The following MGAT4C variants were observed in gnomAD, a reference collection of about 807,000 sequenced individuals.
MGAT4C encodes the protein MGAT4 family member C.
Under a neutral mutation model 40.1 loss-of-function variants are expected in MGAT4C, and 19 were observed. That is an observed-to-expected ratio of 0.47 (90% CI 0.33 to 0.70). The LOEUF (loss-of-function observed/expected upper bound fraction) is 0.70, where lower values mean the gene tolerates loss of function less well. MGAT4C is among the 30% of genes least tolerant of loss of function. The pLI is 0.02. For missense variants in MGAT4C, 491 were observed against 563.2 expected, an observed-to-expected ratio of 0.87 and a Z score of 1.30; for synonymous variants, 181 against 187.1, an observed-to-expected ratio of 0.97 and a Z score of 0.27.
intron 1 of MGAT4C, among the ~76,000 whole-genome samples, chr12:86,070,348 T>C (rs1017054297): frequency 6.6e-6 from 1 of 152,054 alleles, no homozygotes; most frequent in East Asian, 1.9e-4. Flanking sequence ...GATTGCCAAG[T>C]TTATAAAAAC....
intron 3 of MGAT4C, among the ~76,000 whole-genome samples, chr12:86,352,693 A>T (rs1398461864): frequency 6.6e-6 from 1 of 152,122 alleles, no homozygotes; most frequent in Non-Finnish European, 1.5e-5. Context: ...AATACATCAG[A>T]TCAAAAAGTG....
At chr12:86,188,536 G>T (rs879020494) in intron 1 of MGAT4C, among the ~76,000 whole-genome samples, 1 of 151,806 alleles carries the variant, frequency 6.6e-6, no homozygotes, top group Non-Finnish European at 1.5e-5. Context: ...TTAGAATACA[G>T]AAACATATGC....
intron 3 of MGAT4C, among the ~76,000 whole-genome samples, chr12:86,369,017 A>C (rs528501430): frequency 1.8e-4 from 27 of 151,720 alleles, no homozygotes; most frequent in African/African-American, 6.3e-4. Flanking sequence ...TTCAGACGTC[A>C]ATATTTGCTT....
At chr12:86,293,984 CTTT>C (rs1953596412) in intron 4 of MGAT4C, among the ~76,000 whole-genome samples, 2 of 152,112 alleles carry the variant, frequency 1.3e-5, no homozygotes. Flanking sequence ...CACTTTTCTT[CTTT>C]GATTCTTTTG....
At chr12:85,994,978 T>C (rs1319813457) in intron 2 of MGAT4C, among the ~76,000 whole-genome samples, 1 of 152,190 alleles carries the variant, frequency 6.6e-6, no homozygotes, top group African/African-American at 2.4e-5. Flanking sequence ...AGAAACCTCA[T>C]TTGCTACTAC....
intron 1 of MGAT4C, among the ~76,000 whole-genome samples, chr12:86,810,816 T>C (rs1290791409): frequency 6.6e-6 from 1 of 152,072 alleles, no homozygotes; most frequent in Non-Finnish European, 1.5e-5. Flanking sequence ...TTTTGTACTA[T>C]CTTTGTCAAT....
chr12:86,293,767 T>C (rs1953587201), intron 4 of MGAT4C, among the ~76,000 whole-genome samples: 2 of 152,118 alleles, frequency 1.3e-5, no homozygotes, highest in Non-Finnish European at 1.5e-5. Flanking sequence ...AGTGAGTGAG[T>C]TCTCACAAGA....
chr12:85,991,353 C>T (rs916772031), intron 2 of MGAT4C, among the ~76,000 whole-genome samples: 23 of 152,216 alleles, frequency 1.5e-4, no homozygotes, highest in African/African-American at 2.9e-4. Context: ...CAGCCATGGG[C>T]GGGCCCAGAA....
intron 1 of MGAT4C, among the ~76,000 whole-genome samples, chr12:86,740,521 T>C (rs539239340): frequency 6.6e-6 from 1 of 151,298 alleles, no homozygotes; most frequent in East Asian, 1.9e-4. Context: ...AAAAATATAT[T>C]TTTGAAATTT....
At position 85,981,848 on chromosome 12, in the gene MGAT4C, T is replaced by C. The variant is rs533259209; in HGVS notation, c.296-1418A>G. On this transcript the variant is annotated intron_variant, in intron 4 of 4. Coordinates refer to ENST00000611864, the MANE Select transcript of MGAT4C (RefSeq NM_001351288.2). The stretch of plus-strand genomic sequence containing the variant: ...TACATTGCCTCTGGTAGAAAGCAGT[T>C]GGCATGTGTGCCAATAAACATTAGT... 2.3e-3 allele frequency among the ~76,000 whole-genome samples: 357 copies of C among 152,228 alleles called. 1 individual carries two copies. The highest frequency in any genetic ancestry group is 6.8e-3 in the Middle Eastern group (2 of 294).
chr12:86,317,093 AG>A (rs1954257724), intron 4 of MGAT4C, among the ~76,000 whole-genome samples: 1 of 152,118 alleles, frequency 6.6e-6, no homozygotes, highest in Non-Finnish European at 1.5e-5. Context: ...AAAATATAAT[AG>A]TAATTGGCTC....
chr12:86,809,899 A>C (rs1484790014), intron 1 of MGAT4C, among the ~76,000 whole-genome samples: 1 of 152,044 alleles, frequency 6.6e-6, no homozygotes, highest in African/African-American at 2.4e-5. Flanking sequence ...ATGTCTATGA[A>C]AATTCTTTCT....
chr12:86,735,908 T>C (rs553847055), intron 1 of MGAT4C, among the ~76,000 whole-genome samples: 2 of 152,028 alleles, frequency 1.3e-5, no homozygotes, highest in East Asian at 3.9e-4. Context: ...TGATAACCTT[T>C]CTTCTGCATA....
chr12:86,025,953 C>G (rs904855289), intron 2 of MGAT4C, among the ~76,000 whole-genome samples: 1 of 151,592 alleles, frequency 6.6e-6, no homozygotes, highest in Non-Finnish European at 1.5e-5. Flanking sequence ...TGTTTTTAAA[C>G]TGCTAAATGG....
intron 2 of MGAT4C, among the ~76,000 whole-genome samples, chr12:86,570,928 C>T (rs1960337745): frequency 6.6e-6 from 1 of 152,196 alleles, no homozygotes; most frequent in Admixed American, 6.5e-5. Flanking sequence ...ATTCTCATGC[C>T]TCAAACTCCC....
intron 3 of MGAT4C, among the ~76,000 whole-genome samples, chr12:86,340,121 T>A (rs1445757366): frequency 6.6e-6 from 1 of 152,204 alleles, no homozygotes; most frequent in African/African-American, 2.4e-5. Flanking sequence ...TTAGCTTTTA[T>A]AAATAACAGA....
At chr12:86,305,296 G>A (rs781345569) in intron 4 of MGAT4C, among the ~76,000 whole-genome samples, 6 of 149,868 alleles carry the variant, frequency 4.0e-5, no homozygotes, top group East Asian at 2.0e-4. Context: ...AAAATTAGCC[G>A]GGCATGGTGG....
At chr12:86,271,403 A>T (rs1307479242) in intron 4 of MGAT4C, among the ~76,000 whole-genome samples, 1 of 152,206 alleles carries the variant, frequency 6.6e-6, no homozygotes, top group Non-Finnish European at 1.5e-5. Context: ...AAATGGCCAC[A>T]GGTGTATAAA....
chr12:86,658,500 G>A (rs1042566544), intron 2 of MGAT4C, among the ~76,000 whole-genome samples: 4 of 151,876 alleles, frequency 2.6e-5, no homozygotes, highest in African/African-American at 9.7e-5. Context: ...TACTATATGA[G>A]GCCTGACATA....
Sources: allele counts gnomAD v4.1 joint callset (sites outside exome capture counted in the v4.1 genomes callset), GRCh38; gene constraint gnomAD v4.1.1; transcripts MANE v1.5; gene names NCBI Gene and HGNC (gene_info 2026-07-23, HGNC 2026-07-21).